Variants in DRG2 observed in about 807,000 individuals in gnomAD.
The protein encoded by DRG2 is developmentally-regulated GTP-binding protein 2.
In DRG2, 36 loss-of-function variants were observed where a neutral mutation model predicts 53.4. The ratio of observed to expected loss-of-function variants is 0.67; its 90% CI spans 0.52 to 0.89. The LOEUF is 0.89. Among genes scored for constraint, DRG2 ranks in the 40% least tolerant of loss-of-function variants. DRG2 has a pLI of 0.00. For missense variants in DRG2, 342 were observed against 481.2 expected, an observed-to-expected ratio of 0.71 and a Z score of 2.71; for synonymous variants, 167 against 192.1, an observed-to-expected ratio of 0.87 and a Z score of 1.08.
chr17:18,102,607 C>CAAG lies in DRG2; in HGVS notation c.806+612_806+614dup, dbSNP rs1195906320. Among the ~76,000 whole-genome samples, 133 of 107,742 alleles carry CAAG rather than the reference C, an allele frequency of 1.2e-3. 1 individual carries two copies. Among genetic ancestry groups the CAAG allele is most frequent in the African/African-American group, 4.6e-3 (121 of 26,340 alleles). The allele number at this position is 107,742 out of a possible 152,430, so 70.7% of individuals were successfully genotyped here. ...CTGCACTCCAGCCTGGGCGACAGAGCAAGACTCCATCTCAAAAAAAAAAAA... is the reference window on the plus strand; with the variant it reads ...CTGCACTCCAGCCTGGGCGACAGAGCAAGAAGACTCCATCTCAAAAAAAAAAAA... On this transcript the variant is annotated intron_variant, in intron 9 of 12. Coordinates refer to ENST00000225729, the MANE Select transcript of DRG2 (RefSeq NM_001388.5).
intron 12 of DRG2, 144 bp downstream of exon 12, chr17:18,106,630 G>GAATGTAC: frequency 2.4e-6 from 2 of 824,780 alleles, no homozygotes; most frequent in Middle Eastern, 2.4e-4. Flanking sequence ...GTCCTCCATA[G>GAATGTAC]AATGTACATG....
intron 10 of DRG2, 115 bp from the exon 11 acceptor site, chr17:18,104,508 C>G (rs2045593131): frequency 6.5e-7 from 1 of 1,545,972 alleles, no homozygotes; most frequent in African/African-American, 1.4e-5. Context: ...GGAGGTTAGG[C>G]CAAGGCAAGG....
intron 7 of DRG2, 67 bp from the exon 8 acceptor site, chr17:18,101,426 G>T (rs1005830975): frequency 3.3e-6 from 5 of 1,495,764 alleles, no homozygotes; most frequent in Non-Finnish European, 4.6e-6. Flanking sequence ...TTGGCTTTTT[G>T]GGGCCCTCCG....
chr17:18,106,140 G>A, intron 11 of DRG2: 1 of 466,782 alleles, frequency 2.1e-6, no homozygotes, highest in Non-Finnish European at 4.0e-6. Flanking sequence ...CAAGCAGAGG[G>A]CCACTAGCAG....
In DRG2 at chr17:18,098,968, C is replaced by T; in HGVS notation, c.316-49C>T. Reference sequence around the variant, plus strand: ...TGTCCCAGATCCAGACAGGACCTTTCCAGTGGAGGCCCAGCCTTGCCTTAC... The same window carrying T: ...TGTCCCAGATCCAGACAGGACCTTTTCAGTGGAGGCCCAGCCTTGCCTTAC... On this transcript the variant is annotated intron_variant, in intron 3 of 12. Coordinates refer to ENST00000225729, the MANE Select transcript of DRG2 (RefSeq NM_001388.5). This position sits in a 1 kb window ranked among gnomAD's most constrained non-coding sequence, Gnocchi z 4.1. The T allele has an allele frequency of 6.2e-7, 1 of 1,605,976 alleles. No homozygotes were observed. The highest frequency in any genetic ancestry group is 8.5e-7 in the Non-Finnish European group (1 of 1,173,242).
At position 18,107,558 on chromosome 17, in the gene DRG2, C is replaced by G; in HGVS notation, c.*318C>G. On this transcript the variant is annotated 3_prime_UTR_variant, in exon 13 of 13. Coordinates refer to ENST00000225729, the MANE Select transcript of DRG2 (RefSeq NM_001388.5). ...TGCCCACATGCCCGCCAGCCAGGGCCTAAAGCAGATGGCATGCTCAGTGCC... is the reference window on the plus strand; with the variant it reads ...TGCCCACATGCCCGCCAGCCAGGGCGTAAAGCAGATGGCATGCTCAGTGCC... The G allele has an allele frequency of 2.6e-6, 1 of 387,192 alleles. No homozygotes were observed. Among genetic ancestry groups the G allele is most frequent in the Non-Finnish European group, 4.8e-6 (1 of 206,250 alleles). The allele number at this position is 387,192 out of a possible 1,614,324, so 24.0% of individuals were successfully genotyped here. A position where few individuals can be genotyped will look rare whatever the true frequency, so the allele number is the denominator to read the frequency against.
rs1242491729 is a variant in DRG2 at position 18,090,368 on chromosome 17, T to TTATA, written c.64+2317_64+2320dup. ...GTGTGCACCACCACACCGGGCTAAT[T>TTATA]TATATATATATATATATATATATAT... On this transcript the variant is annotated intron_variant, in intron 1 of 12. Transcript: ENST00000225729. Among the ~76,000 whole-genome samples the TTATA allele has an allele frequency of 2.8e-3, 71 of 25,504 alleles. 1 individual carries two copies. In the East Asian group the frequency reaches 0.033, roughly 12 times the overall value. The allele number at this position is 25,504 out of a possible 152,430, so 16.7% of individuals were successfully genotyped here.
At position 18,104,825 on chromosome 17, in the gene DRG2, C is replaced by T. The variant is rs1567607025; in HGVS notation, c.954+144C>T. Reference sequence around the variant, plus strand: ...CAACGCAGGCTCTGGAGTTGGACAGCCTGGGGCTGCGTCTGCAGCACCCCT... The same window carrying T: ...CAACGCAGGCTCTGGAGTTGGACAGTCTGGGGCTGCGTCTGCAGCACCCCT... On this transcript the variant is annotated intron_variant, in intron 11 of 12. Coordinates refer to ENST00000225729, the MANE Select transcript of DRG2 (RefSeq NM_001388.5). 3.6e-6 allele frequency: 5 copies of T among 1,385,040 alleles called. 1 individual carries two copies. In the South Asian group the frequency reaches 5.4e-5, roughly 15 times the overall value. 85.8% of individuals were successfully genotyped at this position (1,385,040 alleles called of 1,614,324 possible).
Position 18,100,605 on chromosome 17 carries a change from G to A in DRG2, c.577G>A (p.Val193Ile), listed in dbSNP as rs143296623. 4.4e-3 allele frequency: 7,058 copies of A among 1,614,174 alleles called. 27 individuals carry two copies. The highest frequency in any genetic ancestry group is 4.6e-3 in the Non-Finnish European group (5,477 of 1,180,034). Residue 193 changes from valine (V) to isoleucine (I), a missense_variant, in exon 7 of 13, where the codon GTC becomes ATC. Coordinates refer to ENST00000225729, the MANE Select transcript of DRG2 (RefSeq NM_001388.5). The surrounding 1 kb of genome is among the most constrained non-coding windows in gnomAD (Gnocchi z 4.1). Reference sequence around the variant, plus strand: ...TGGTGGCATCTCCTTTAACTCGACAGTCACGCTGACCCAGTGCTCGGAAAA... The same window carrying A: ...TGGTGGCATCTCCTTTAACTCGACAATCACGCTGACCCAGTGCTCGGAAAA... ...KGGGISFNST[V>I]TLTQCSEKLV...
chr17:18,106,335 C>A, intron 11 of DRG2, 98 bp from the exon 12 acceptor site: 1 of 1,400,890 alleles, frequency 7.1e-7, no homozygotes, highest in Non-Finnish European at 1.0e-6. Flanking sequence ...GGAACTCCTG[C>A]CTCTTGGCCT....
Position 18,093,889 on chromosome 17 carries a change from G to A in DRG2, c.141G>A (p.Ser47=), listed in dbSNP as rs138795111. ...YRAQLLEPSK[S]ASSKGEGFDV... ...CCCAGCTCCTGGAACCGTCCAAATC[G>A]GCCTCGTCCAAAGGAGAGGGCTTTG... Residue 47 remains serine (S), a synonymous_variant, in exon 2 of 13, where the codon TCG becomes TCA. Transcript: ENST00000225729. The A allele has an allele frequency of 2.3e-5, 37 of 1,614,132 alleles. No homozygotes were observed. Among genetic ancestry groups the A allele is most frequent in the African/African-American group, 2.1e-4 (16 of 75,032 alleles).
chr17:18,090,463 C>T (rs1405449517), intron 1 of DRG2, among the ~76,000 whole-genome samples: 1 of 120,914 alleles, frequency 8.3e-6, no homozygotes, highest in Non-Finnish European at 1.6e-5. Context: ...GTTGCCCAGG[C>T]TGGAGTGCAA....
chr17:18,107,567 A>T lies in DRG2; in HGVS notation c.*327A>T, dbSNP rs1337662353. The T allele has an allele frequency of 2.8e-6, 1 of 363,092 alleles. No homozygotes were observed. Among genetic ancestry groups the T allele is most frequent in the Non-Finnish European group, 5.2e-6 (1 of 191,928 alleles). The allele number at this position is 363,092 out of a possible 1,614,324, so 22.5% of individuals were successfully genotyped here. A position where few individuals can be genotyped will look rare whatever the true frequency, so the allele number is the denominator to read the frequency against. ...GCCCGCCAGCCAGGGCCTAAAGCAG[A>T]TGGCATGCTCAGTGCCAGGCTGGTA... On this transcript the variant is annotated 3_prime_UTR_variant, in exon 13 of 13. Coordinates refer to ENST00000225729, the MANE Select transcript of DRG2 (RefSeq NM_001388.5).
intron 1 of DRG2, among the ~76,000 whole-genome samples, chr17:18,090,389 TATATATATATATATATA>T (rs1401518887): frequency 5.0e-3 from 64 of 12,690 alleles, no homozygotes; most frequent in African/African-American, 0.021. Flanking sequence ...TATATATATA[TATATATATATATATATA>T]TTTTTTTTTT....
chr17:18,098,472 C>T lies in DRG2; in HGVS notation c.315+113C>T. The T allele has an allele frequency of 2.1e-6, 2 of 952,540 alleles. No individual in the cohort carries two copies. Among genetic ancestry groups the T allele is most frequent in the Non-Finnish European group, 3.3e-6 (2 of 599,070 alleles). The allele number at this position is 952,540 out of a possible 1,614,324, so 59.0% of individuals were successfully genotyped here. ...GTGGATGTCCCCATGTCAGGACAGG[C>T]TCTGGACTGAGCTGCTTTGCCCTCC... On this transcript the variant is annotated intron_variant, in intron 3 of 12. Transcript: ENST00000225729. The surrounding 1 kb of genome is among the most constrained non-coding windows in gnomAD (Gnocchi z 4.1).
intron 1 of DRG2, among the ~76,000 whole-genome samples, chr17:18,093,600 C>G (rs947650158): frequency 6.6e-6 from 1 of 152,108 alleles, no homozygotes; most frequent in East Asian, 1.9e-4. Context: ...TTACAGGCGT[C>G]AGCCACTGCG....
intron 2 of DRG2, 119 bp downstream of exon 2, chr17:18,094,092 G>A: frequency 7.3e-7 from 1 of 1,372,646 alleles, no homozygotes. Context: ...AGAAGACCTG[G>A]CCTCCCCCAG....
chr17:18,099,645 G>T lies in DRG2; in HGVS notation c.389G>T (p.Gly130Val), dbSNP rs1221164546. 6.2e-7 allele frequency: 1 copy of T among 1,605,268 alleles called. No homozygotes were observed. Among genetic ancestry groups the T allele is most frequent in the African/African-American group, 1.3e-5 (1 of 74,906 alleles). ...IEGAAQGKGR[G>V]RQVIAVARTA... ...CACACCCATCCAGGAAAAGGCCGTG[G>T]CCGGCAGGTGATCGCTGTGGCGCGC... The change falls in exon 5 of 13, where the codon GGC (glycine) becomes GTC (valine). Residue 130 changes from glycine to valine, a missense_variant. Physicochemically the swap from Gly to Val is moderately radical, Grantham distance 109 (BLOSUM62 -3). Transcript: ENST00000225729. This position sits in a 1 kb window ranked among gnomAD's most constrained non-coding sequence, Gnocchi z 4.4.
intron 2 of DRG2, chr17:18,096,119 C>T (rs908934619): frequency 4.6e-5 from 7 of 152,194 alleles, no homozygotes; most frequent in African/African-American, 1.7e-4. Context: ...TTTATCACAT[C>T]GCATGAAGGC....
Sources: gnomAD v4.1 joint callset for allele counts (sites outside exome capture counted in the v4.1 genomes callset) on GRCh38, gnomAD v4.1.1 for gene constraint, Gnocchi (gnomAD v3.1) non-coding constraint, MANE v1.5 for transcripts, NCBI Gene and HGNC (gene_info 2026-07-23, HGNC 2026-07-21) for gene names.